The following CALN1 variants were observed in gnomAD, a reference collection of about 807,000 sequenced individuals.
CALN1 encodes calneuron 1.
Under a neutral mutation model 30.6 loss-of-function variants are expected in CALN1, and 17 were observed. The observed-to-expected ratio is 0.56, with a 90% CI of 0.38 to 0.83. The LOEUF (loss-of-function observed/expected upper bound fraction) is 0.83. CALN1 is among the 40% of genes least tolerant of loss of function. CALN1 has a pLI of 0.00. For synonymous variants in CALN1, 156 were observed against 131.4 expected (o/e 1.19, Z -1.28); for missense variants, 291 against 354.9 (o/e 0.82, Z 1.45).
upstream of CALN1, among the ~76,000 whole-genome samples, chr7:72,415,721 G>A (rs1808379): frequency 0.11 from 17,277 of 152,204 alleles, 1,399 homozygotes; most frequent in African/African-American, 0.23. Flanking sequence ...GGAAAATGCT[G>A]GAAGCCTGAG....
upstream of CALN1, among the ~76,000 whole-genome samples, chr7:72,412,909 T>C (rs77502698): frequency 4.3e-3 from 651 of 152,290 alleles, 6 homozygotes; most frequent in African/African-American, 0.015. Context: ...GCTTTCCTGG[T>C]AGGATAATAT....
intron 6 of CALN1, among the ~76,000 whole-genome samples, chr7:71,794,065 G>A (rs1786741744): frequency 1.3e-5 from 2 of 151,922 alleles, no homozygotes; most frequent in South Asian, 2.1e-4. Flanking sequence ...TTTTTTATGT[G>A]CAGAGGTTGC....
chr7:71,973,472 A>G (rs1424111959), intron 5 of CALN1, among the ~76,000 whole-genome samples: 1 of 152,156 alleles, frequency 6.6e-6, no homozygotes, highest in African/African-American at 2.4e-5. Flanking sequence ...CACCTTGCCC[A>G]GCCTGAATTC....
chr7:72,398,027 T>C (rs1010754717), intron 2 of CALN1, among the ~76,000 whole-genome samples: 2 of 151,958 alleles, frequency 1.3e-5, no homozygotes, highest in Admixed American at 6.6e-5. Context: ...GAGCCAAGCA[T>C]TGTGGGGAAG....
intron 4 of CALN1, among the ~76,000 whole-genome samples, chr7:72,044,598 A>ATT: frequency 8.7e-6 from 1 of 114,436 alleles, no homozygotes; most frequent in Non-Finnish European, 1.7e-5. Flanking sequence ...TCCGCTTAAA[A>ATT]CTTTTTTTTT....
At chr7:72,004,880 T>C (rs781115685) in intron 5 of CALN1, among the ~76,000 whole-genome samples, 143 of 152,248 alleles carry the variant, frequency 9.4e-4, no homozygotes, top group Non-Finnish European at 1.3e-3. Flanking sequence ...GAAGAGGACA[T>C]ACAGATGGTA....
chr7:72,238,547 C>T (rs979418739), intron 3 of CALN1, among the ~76,000 whole-genome samples: 1 of 152,146 alleles, frequency 6.6e-6, no homozygotes, highest in Non-Finnish European at 1.5e-5. Flanking sequence ...TCATCTTGAA[C>T]TGTAGTTCTT....
At chr7:72,053,029 A>T (rs532712789) in intron 4 of CALN1, among the ~76,000 whole-genome samples, 96 of 152,334 alleles carry the variant, frequency 6.3e-4, no homozygotes, top group African/African-American at 2.3e-3. Flanking sequence ...CAGGAGTTCA[A>T]GACCAGCCTG....
the CALN1 span, among the ~76,000 whole-genome samples, chr7:72,469,080 TTTC>T: frequency 1.3e-4 from 20 of 152,338 alleles, no homozygotes; most frequent in African/African-American, 4.8e-4. Flanking sequence ...TGTTTCTATT[TTTC>T]TTCTATTACA....
intron 1 of CALN1, among the ~76,000 whole-genome samples, chr7:72,411,365 A>G (rs967410133): frequency 8.5e-5 from 13 of 152,244 alleles, no homozygotes; most frequent in Non-Finnish European, 1.9e-4. Context: ...ATCATACAAA[A>G]GAGATTCATG....
At position 72,389,111 on chromosome 7, in the gene CALN1, G is replaced by A. The variant is rs1056755840; in HGVS notation, c.119+14140C>T. The stretch of plus-strand genomic sequence containing the variant: ...GTTGCGCTCTCTACTCATTTAACTT[G>A]CAAGCAGTATTCTGAGCAGGTGCTC... On this transcript the variant is annotated intron_variant, in intron 2 of 6. Coordinates refer to ENST00000395275, the MANE Select transcript of CALN1 (RefSeq NM_031468.4). 7.2e-5 allele frequency among the ~76,000 whole-genome samples: 11 copies of A among 152,174 alleles called. 1 individual carries two copies. The highest frequency in any genetic ancestry group is 2.2e-4 in the African/African-American group (9 of 41,430).
At chr7:72,005,078 TAGC>T (rs1799701148) in intron 5 of CALN1, among the ~76,000 whole-genome samples, 1 of 152,096 alleles carries the variant, frequency 6.6e-6, no homozygotes, top group African/African-American at 2.4e-5. Flanking sequence ...GGAAAAAAAA[TAGC>T]AGTTTCTTAT....
intron 5 of CALN1, among the ~76,000 whole-genome samples, chr7:71,964,368 GCT>G (rs1439649080): frequency 6.6e-6 from 1 of 152,188 alleles, no homozygotes; most frequent in Non-Finnish European, 1.5e-5. Context: ...GTTACAGTGT[GCT>G]CTTTCAGCTT....
intron 1 of CALN1, among the ~76,000 whole-genome samples, chr7:72,420,447 G>A (rs1257329474): frequency 6.6e-6 from 1 of 151,354 alleles, no homozygotes; most frequent in Non-Finnish European, 1.5e-5. Context: ...CTGAATCTAG[G>A]GCTCCCCTTA....
intron 4 of CALN1, among the ~76,000 whole-genome samples, chr7:72,104,846 A>G (rs1013672929): frequency 1.2e-4 from 18 of 152,006 alleles, no homozygotes; most frequent in African/African-American, 4.3e-4. Context: ...AGTCCCAGCT[A>G]CTCTGAAAGG....
intron 5 of CALN1, among the ~76,000 whole-genome samples, chr7:71,958,634 T>C (rs544449510): frequency 5.1e-4 from 78 of 152,312 alleles, no homozygotes; most frequent in Non-Finnish European, 8.2e-4. Context: ...AACAGCAAAG[T>C]CTGGATTCTC....
intron 5 of CALN1, among the ~76,000 whole-genome samples, chr7:71,833,705 C>T (rs1231444342): frequency 6.6e-6 from 1 of 152,022 alleles, no homozygotes; most frequent in Non-Finnish European, 1.5e-5. Context: ...GCATTTGGGA[C>T]CAGACTGGGT....
intron 6 of CALN1, among the ~76,000 whole-genome samples, chr7:71,796,971 CTTATT>C (rs56313828): frequency 0.15 from 22,702 of 152,050 alleles, 2,590 homozygotes; most frequent in African/African-American, 0.31. Context: ...CTTTCCCTCT[CTTATT>C]TTAACAGCCA....
At chr7:72,368,722 G>A (rs527296267) in intron 2 of CALN1, among the ~76,000 whole-genome samples, 1 of 150,318 alleles carries the variant, frequency 6.7e-6, no homozygotes, top group Non-Finnish European at 1.5e-5. Context: ...ACGACAAAGT[G>A]AAAAATGACA....
Sources: allele counts gnomAD v4.1 joint callset (sites outside exome capture counted in the v4.1 genomes callset), GRCh38; gene constraint gnomAD v4.1.1; transcripts MANE v1.5; gene names NCBI Gene and HGNC (gene_info 2026-07-23, HGNC 2026-07-21).